Variants in UBL7 observed in about 807,000 individuals in gnomAD.
UBL7 encodes the protein ubiquitin-like protein 7.
UBL7 carries 21 observed loss-of-function variants against 41.7 expected under a neutral mutation model. That is an observed-to-expected ratio of 0.50 (90% CI 0.36 to 0.73). The LOEUF is 0.73. UBL7 is among the 30% of genes least tolerant of loss of function. UBL7 has a pLI of 0.00. For missense variants in UBL7, 403 were observed against 478.4 expected (o/e 0.84, Z 1.47); for synonymous variants, 157 against 186.9 (o/e 0.84, Z 1.31).
Position 74,461,147 on chromosome 15 carries a change from T to C in UBL7, c.-140A>G. The C allele has an allele frequency of 2.0e-6, 2 of 997,414 alleles. No homozygotes were observed. The highest frequency in any genetic ancestry group is 2.4e-6 in the Non-Finnish European group (2 of 835,972). The allele number at this position is 997,414 out of a possible 1,614,324, so 61.8% of individuals were successfully genotyped here. On this transcript the variant is annotated 5_prime_UTR_variant, in exon 1 of 11. Transcript: ENST00000395081. The stretch of plus-strand genomic sequence containing the variant: ...GAACCCGGCCGCACTGCCGCCGGTG[T>C]AAACACTCACTCTGGCCCTCTCGCC...
rs2061344845 is a variant in UBL7, at chr15:74,461,062, C to T, written c.-55G>A. ...CGCTCCAGTGGGACCAGCTACTTGG[C>T]TGACACACATCGAGCCCGCGCTGCC... On this transcript the variant is annotated 5_prime_UTR_variant, in exon 1 of 11. Transcript: ENST00000395081. 1 of 1,029,880 alleles carries T rather than the reference C, an allele frequency of 9.7e-7. No individual in the cohort carries two copies. The highest frequency in any genetic ancestry group is 5.3e-5 in the Admixed American group (1 of 18,762). 63.8% of individuals were successfully genotyped at this position (1,029,880 alleles called of 1,614,324 possible).
chr15:74,449,498 G>A (rs1465926611), intron 8 of UBL7, 128 bp downstream of exon 8: 7 of 1,548,474 alleles, frequency 4.5e-6, no homozygotes, highest in Non-Finnish European at 6.2e-6. Context: ...AGTATGACAT[G>A]GTCTTGGCCC....
Position 74,446,057 on chromosome 15 carries a change from C to A in UBL7, c.*33G>T, listed in dbSNP as rs573097305. 4.7e-5 allele frequency: 75 copies of A among 1,610,236 alleles called. 1 individual carries two copies. The South Asian group carries it at 7.4e-4, about 16-fold the overall frequency. On this transcript the variant is annotated 3_prime_UTR_variant, in exon 11 of 11. Transcript: ENST00000395081. The surrounding 1 kb of genome is among the most constrained non-coding windows in gnomAD (Gnocchi z 4.1). ...TGCCTCCCAAGGGCAGTAGCCTCTG[C>A]AACTTGCTGGGGGTTCAGGGGAAGC...
rs375272862 is a variant in UBL7 at position 74,451,468 on chromosome 15, G to A, written c.440C>T (p.Thr147Ile). The A allele has an allele frequency of 9.3e-6, 15 of 1,613,944 alleles. No homozygotes were observed. Among genetic ancestry groups the A allele is most frequent in the South Asian group, 4.4e-5 (4 of 91,076 alleles). The change falls in exon 5 of 11, where the codon ACC becomes ATC. Residue 147 changes from threonine to isoleucine, a missense_variant. By Grantham distance (89) the Thr-to-Ile change is moderately conservative. Coordinates refer to ENST00000395081, the MANE Select transcript of UBL7 (RefSeq NM_032907.5). ...AATAGGGTCACTGCTGAGGCCTGGG[G>A]TGGCCACAATGATCTGATCCAGAGA... The part of the protein sequence containing the change: ...KESLDQIIVA[T>I]PGLSSDPIAL...
intron 9 of UBL7, 49 bp downstream of exon 9, chr15:74,449,137 C>CT: frequency 6.6e-7 from 1 of 1,509,872 alleles, no homozygotes. Flanking sequence ...TGCTGGGGAG[C>CT]TTGTTCCTTG....
chr15:74,446,268 T>C lies in UBL7; in HGVS notation c.1006-41A>G. The C allele has an allele frequency of 6.2e-7, 1 of 1,611,730 alleles. No individual in the cohort carries two copies. The highest frequency in any genetic ancestry group is 1.1e-5 in the South Asian group (1 of 90,818). ...AATGGGCAGAAGCTGTTAGCTGGGA[T>C]CCAGTGAAGACTCACTTAGGTCTGT... is the stretch of plus-strand genomic sequence containing the variant. On this transcript the variant is annotated intron_variant, in intron 10 of 10. Transcript: ENST00000395081. This position sits in a 1 kb window ranked among gnomAD's most constrained non-coding sequence, Gnocchi z 4.1.
rs914620851 is a variant in UBL7, at chr15:74,445,999, T to C, written c.*91A>G. ...CAGGAGAGTTGACCATCAGGTATAT[T>C]GGGGAAGGGAGAGATGGAGGCACCT... On this transcript the variant is annotated 3_prime_UTR_variant, in exon 11 of 11. Coordinates refer to ENST00000395081, the MANE Select transcript of UBL7 (RefSeq NM_032907.5). 16 of 1,514,530 alleles carry C rather than the reference T, an allele frequency of 1.1e-5. No homozygotes were observed. The Admixed American group carries it at 1.6e-4, about 15-fold the overall frequency. 93.8% of individuals were successfully genotyped at this position (1,514,530 alleles called of 1,614,324 possible).
intron 1 of UBL7, chr15:74,460,581 A>C (rs2061339192): frequency 1.4e-6 from 1 of 734,602 alleles, no homozygotes; most frequent in African/African-American, 1.9e-5. Context: ...AAGGGCTACA[A>C]ATATCTGCTT....
At chr15:74,454,658 A>G (rs905719290) in intron 3 of UBL7, among the ~76,000 whole-genome samples, 3 of 152,158 alleles carry the variant, frequency 2.0e-5, no homozygotes, top group African/African-American at 4.8e-5. Flanking sequence ...TCGGCCTCCC[A>G]AAGTTCTGGG....
chr15:74,449,539 G>C, intron 8 of UBL7, 87 bp downstream of exon 8: 1 of 1,599,734 alleles, frequency 6.3e-7, no homozygotes, highest in Non-Finnish European at 8.6e-7. Context: ...TCCCAGCCTT[G>C]GGAGTGCCAG....
At position 74,456,551 on chromosome 15, in the gene UBL7, C is replaced by T; in HGVS notation, c.304+1G>A. The T allele has an allele frequency of 6.2e-7, 1 of 1,613,896 alleles. No homozygotes were observed. Among genetic ancestry groups the T allele is most frequent in the African/African-American group, 1.3e-5 (1 of 75,028 alleles). On this transcript the variant is annotated splice_donor_variant, in intron 3 of 10. Coordinates refer to ENST00000395081, the MANE Select transcript of UBL7 (RefSeq NM_032907.5). LOFTEE classifies it high-confidence loss of function. ...CTGCCTAAGGGCTGCCCCTCACTCACCCGGTTTCTGATCAGGTTCAGGCCA... is the reference window on the plus strand; with the variant it reads ...CTGCCTAAGGGCTGCCCCTCACTCATCCGGTTTCTGATCAGGTTCAGGCCA...
chr15:74,449,213 G>A lies in UBL7; in HGVS notation c.855C>T (p.Ser285=), dbSNP rs913959258. Residue 285 remains serine (S), a synonymous_variant, in exon 9 of 11, where the codon AGC becomes AGT. Transcript: ENST00000395081. ...ALALASTPES[S]SHTPTPGTQG... ...GGGTGCCAGGAGTCGGTGTGTGAGA[G>A]CTGCTCTCCGGAGTGCTGGCCAGGG... The A allele has an allele frequency of 6.3e-7, 1 of 1,578,322 alleles. No individual in the cohort carries two copies. Among genetic ancestry groups the A allele is most frequent in the Non-Finnish European group, 8.6e-7 (1 of 1,165,388 alleles).
At position 74,446,617 on chromosome 15, in the gene UBL7, G is replaced by A. The variant is rs767497753; in HGVS notation, c.1006-390C>T. Among the ~76,000 whole-genome samples, 7 of 152,074 alleles carry A rather than the reference G, an allele frequency of 4.6e-5. No homozygotes were observed. The South Asian group carries it at 1.3e-3, about 27-fold the overall frequency. Reference sequence around the variant, plus strand: ...TTTGTTAGCCTTTGGACTTTGCTTCGGTTTTTTGTTTGGTTTGGTTTGCCA... The same window carrying A: ...TTTGTTAGCCTTTGGACTTTGCTTCAGTTTTTTGTTTGGTTTGGTTTGCCA... On this transcript the variant is annotated intron_variant, in intron 10 of 10. Transcript: ENST00000395081. This position sits in a 1 kb window ranked among gnomAD's most constrained non-coding sequence, Gnocchi z 4.1.
intron 7 of UBL7, 55 bp downstream of exon 7, chr15:74,449,881 T>C (rs1264139176): frequency 6.4e-7 from 1 of 1,574,324 alleles, no homozygotes; most frequent in Non-Finnish European, 8.6e-7. Context: ...TAAAGCAAAT[T>C]CCTGGGCCAC....
At chr15:74,449,137 C>T (rs202049628) in intron 9 of UBL7, 49 bp downstream of exon 9, 1 of 1,509,872 alleles carries the variant, frequency 6.6e-7, no homozygotes, top group East Asian at 2.3e-5. Flanking sequence ...TGCTGGGGAG[C>T]TTGTTCCTTG....
At chr15:74,449,724 C>A in intron 7 of UBL7, 49 bp from the exon 8 acceptor site, 1 of 1,610,256 alleles carries the variant, frequency 6.2e-7, no homozygotes, top group Non-Finnish European at 8.5e-7. Flanking sequence ...AAGGCACAGG[C>A]GCAGCTCCAG....
At position 74,456,598 on chromosome 15, in the gene UBL7, A is replaced by G. The variant is rs2061297175; in HGVS notation, c.258T>C (p.Thr86=). The G allele has an allele frequency of 3.1e-6, 5 of 1,614,184 alleles. No homozygotes were observed. The highest frequency in any genetic ancestry group is 1.3e-5 in the African/African-American group (1 of 75,054). Residue 86 remains threonine (T), a synonymous_variant, in exon 3 of 11, where the codon ACT becomes ACC. Transcript: ENST00000395081. The part of the protein sequence containing the change: ...LDFYGIQPGS[T]VHVLRKSWPE... The stretch of plus-strand genomic sequence containing the variant: ...GCCAGGACTTTCGCAGAACATGGAC[A>G]GTGGACCCAGGTTGAATGCCATAGA...
Position 74,446,114 on chromosome 15 carries a change from G to GAGCT in UBL7, c.1115_1118dup (p.Ile374AlafsTer31), listed in dbSNP as rs767629946. 1 of 1,613,952 alleles carries GAGCT rather than the reference G, an allele frequency of 6.2e-7. No individual in the cohort carries two copies. The highest frequency in any genetic ancestry group is 1.3e-5 in the African/African-American group (1 of 74,926). Reference sequence around the variant, plus strand: ...TTCATGGGGCTCCTCCAGCAAAGATGAGCTCCAGGGCTGCTTGGATGTCCC... The same window carrying GAGCT: ...TTCATGGGGCTCCTCCAGCAAAGATGAGCTAGCTCCAGGGCTGCTTGGATGTCCC... On this transcript the variant is annotated frameshift_variant, in exon 11 of 11. Coordinates refer to ENST00000395081, the MANE Select transcript of UBL7 (RefSeq NM_032907.5). LOFTEE classifies it high-confidence loss of function. The surrounding 1 kb of genome is among the most constrained non-coding windows in gnomAD (Gnocchi z 4.1).
chr15:74,460,736 T>C, intron 1 of UBL7: 1 of 1,288,614 alleles, frequency 7.8e-7, no homozygotes, highest in African/African-American at 1.5e-5. Flanking sequence ...CAAAGCAAGA[T>C]AAGTTCTTGT....
Sources: gnomAD v4.1 joint callset for allele counts (sites outside exome capture counted in the v4.1 genomes callset) on GRCh38, gnomAD v4.1.1 for gene constraint, Gnocchi (gnomAD v3.1) non-coding constraint, MANE v1.5 for transcripts, NCBI Gene and HGNC (gene_info 2026-07-23, HGNC 2026-07-21) for gene names.